The following INKA2 variants were observed in gnomAD, a reference collection of about 807,000 sequenced individuals.
INKA2 encodes the protein PAK4-inhibitor INKA2.
Under a neutral mutation model 9.8 loss-of-function variants are expected in INKA2, and 3 were observed. That is an observed-to-expected ratio of 0.31 (90% confidence interval 0.14 to 0.79). The LOEUF is 0.79. Among genes scored for constraint, INKA2 ranks in the 30% least tolerant of loss-of-function variants. The probability of loss-of-function intolerance (pLI) is 0.62; values close to 1 mark genes in which losing one functional copy is unlikely to be tolerated. For missense variants in INKA2, 392 were observed against 384.4 expected (o/e 1.02, Z -0.17); for synonymous variants, 147 against 143.3 (o/e 1.03, Z -0.18).
intron 1 of INKA2, among the ~76,000 whole-genome samples, chr1:111,738,405 C>A (rs984048624): frequency 2.0e-5 from 3 of 151,974 alleles, no homozygotes; most frequent in Admixed American, 1.3e-4. Flanking sequence ...TCCACCCCCC[C>A]AGACTGAGCT....
In INKA2 at chr1:111,723,057, T is replaced by TAAC. The variant is rs1193340589; in HGVS notation, c.*3908_*3910dup. The TAAC allele has an allele frequency of 1.1e-5, 8 of 702,014 alleles. No individual in the cohort carries two copies. The highest frequency in any genetic ancestry group is 8.7e-5 in the African/African-American group (5 of 57,228). 43.5% of individuals were successfully genotyped at this position (702,014 alleles called of 1,614,324 possible). On this transcript the variant is annotated 3_prime_UTR_variant, in exon 2 of 2. Transcript: ENST00000357260. ...AGTGACAGAGGGGGCTCTCAAATCT[T>TAAC]AACTCCAAGTCTAGTGCTCATACCA...
intron 1 of INKA2, among the ~76,000 whole-genome samples, chr1:111,736,041 C>T (rs1490051784): frequency 6.6e-6 from 1 of 152,202 alleles, no homozygotes; most frequent in Non-Finnish European, 1.5e-5. Context: ...TGTGTCTACC[C>T]CCACTTATTG....
chr1:111,753,791 T>C (rs1403204205), intron 1 of INKA2: 1 of 152,198 alleles, frequency 6.6e-6, no homozygotes, highest in African/African-American at 2.4e-5. Flanking sequence ...AGCTCACAGT[T>C]TATTTAATGT....
rs1466610306 is a variant in INKA2, at chr1:111,727,361, G to T, written c.501C>A (p.Gly167=). The T allele has an allele frequency of 2.5e-6, 4 of 1,613,856 alleles. No homozygotes were observed. The African/African-American group carries it at 5.3e-5, about 22-fold the overall frequency. ...CCAGTTCTGGCAAGTCTAGCCAATTGCCCACCAGGTCTGCAAAAACGTTGT... is the reference window on the plus strand; with the variant it reads ...CCAGTTCTGGCAAGTCTAGCCAATTTCCCACCAGGTCTGCAAAAACGTTGT... The part of the protein sequence containing the change: ...LGDNVFADLV[G]NWLDLPELEK... Residue 167 remains glycine (G), a synonymous_variant, in exon 2 of 2, where the codon GGC becomes GGA. Coordinates refer to ENST00000357260, the MANE Select transcript of INKA2 (RefSeq NM_019099.5).
At chr1:111,737,253 A>T (rs539969788) in intron 1 of INKA2, among the ~76,000 whole-genome samples, 2 of 152,286 alleles carry the variant, frequency 1.3e-5, no homozygotes, top group South Asian at 4.1e-4. Flanking sequence ...CCTTGGCAGG[A>T]GAGGGTGCAA....
chr1:111,739,341 C>G lies in INKA2; in HGVS notation c.-99G>C. On this transcript the variant is annotated 5_prime_UTR_variant, in exon 1 of 2. Coordinates refer to ENST00000357260, the MANE Select transcript of INKA2 (RefSeq NM_019099.5). The stretch of plus-strand genomic sequence containing the variant: ...CGGGCCGGCTCCCCGCCCCTGCGCC[C>G]GTAGCGCTCGCAGCGCGGAGCTGAG... 2 of 1,568,640 alleles carry G rather than the reference C, an allele frequency of 1.3e-6. No individual in the cohort carries two copies. The highest frequency in any genetic ancestry group is 8.6e-7 in the Non-Finnish European group (1 of 1,157,636).
rs946638024 is a variant in INKA2, at chr1:111,726,072, G to A, written c.*896C>T. The stretch of plus-strand genomic sequence containing the variant: ...TAAGAACTGTTGGGGAGGAGTGTTG[G>A]TAACTCCAGGGTCCAGCTTCTACTC... On this transcript the variant is annotated 3_prime_UTR_variant, in exon 2 of 2. Transcript: ENST00000357260. The A allele has an allele frequency of 2.5e-5, 10 of 398,550 alleles. No homozygotes were observed. The highest frequency in any genetic ancestry group is 4.1e-5 in the African/African-American group (2 of 48,608). 24.7% of individuals were successfully genotyped at this position (398,550 alleles called of 1,614,324 possible).
chr1:111,740,971 TAAAA>T (rs869221820), upstream of INKA2, among the ~76,000 whole-genome samples: 23 of 38,400 alleles, frequency 6.0e-4, 8 homozygotes, highest in African/African-American at 1.4e-3. Context: ...AAACTCCGTT[TAAAA>T]AAAAAAAAAA....
At chr1:111,739,709 T>C, upstream of INKA2, 1 of 165,886 alleles carries the variant, frequency 6.0e-6, no homozygotes. Context: ...GGGGAGGGAC[T>C]GGGTAGCGGT....
chr1:111,727,970 T>C, intron 1 of INKA2, 166 bp from the exon 2 acceptor site: 1 of 668,008 alleles, frequency 1.5e-6, no homozygotes, highest in Non-Finnish European at 2.6e-6. Context: ...CAGTGCTGGG[T>C]AAAGGAAATA....
intron 1 of INKA2, among the ~76,000 whole-genome samples, chr1:111,738,231 G>A (rs529326666): frequency 2.6e-5 from 4 of 152,352 alleles, no homozygotes; most frequent in African/African-American, 9.6e-5. Flanking sequence ...AGCAGAGATG[G>A]GGCTGTATGT....
intron 1 of INKA2, among the ~76,000 whole-genome samples, chr1:111,732,568 TAC>T (rs3085876): frequency 0.016 from 2,221 of 142,138 alleles, 26 homozygotes; most frequent in African/African-American, 0.04. Context: ...CTCTCTCTGT[TAC>T]ACACACACAC....
Position 111,739,211 on chromosome 1 carries a change from T to A in INKA2, c.32A>T (p.Tyr11Phe). MTMESREMDC[Y>F]LRRLKQELMS... Reference sequence around the variant, plus strand: ...CAGCTCCTGTTTGAGGCGACGGAGATAGCAGTCCATTTCCCTGCTCTCCAT... The same window carrying A: ...CAGCTCCTGTTTGAGGCGACGGAGAAAGCAGTCCATTTCCCTGCTCTCCAT... Residue 11 changes from tyrosine to phenylalanine, a missense_variant, in exon 1 of 2, where the codon TAT becomes TTT. Coordinates refer to ENST00000357260, the MANE Select transcript of INKA2 (RefSeq NM_019099.5). The A allele has an allele frequency of 6.2e-7, 1 of 1,613,686 alleles. No homozygotes were observed. The highest frequency in any genetic ancestry group is 8.5e-7 in the Non-Finnish European group (1 of 1,179,748).
Position 111,726,176 on chromosome 1 carries a change from T to A in INKA2, c.*792A>T, listed in dbSNP as rs1040037860. The A allele has an allele frequency of 6.3e-5, 25 of 398,036 alleles. No individual in the cohort carries two copies. The highest frequency in any genetic ancestry group is 4.3e-4 in the African/African-American group (21 of 48,622). 24.7% of individuals were successfully genotyped at this position (398,036 alleles called of 1,614,324 possible). ...TAGCATATCTAGGCTTGTTTCCTTA[T>A]CTGGAAAATGGGATCATGCCTGCCT... On this transcript the variant is annotated 3_prime_UTR_variant, in exon 2 of 2. Transcript: ENST00000357260.
intron 1 of INKA2, among the ~76,000 whole-genome samples, chr1:111,731,991 A>T (rs1255930751): frequency 1.3e-5 from 2 of 152,234 alleles, no homozygotes; most frequent in Non-Finnish European, 2.9e-5. Context: ...AGCCACGTTC[A>T]GTCAGCCCAG....
chr1:111,755,358 T>C (rs1663515198), intron 1 of INKA2: 1 of 361,148 alleles, frequency 2.8e-6, no homozygotes, highest in South Asian at 6.0e-5. Flanking sequence ...CGGAGATAAA[T>C]GTGGTTGCAC....
chr1:111,733,077 C>T, intron 1 of INKA2, among the ~76,000 whole-genome samples: 1 of 152,162 alleles, frequency 6.6e-6, no homozygotes, highest in East Asian at 1.9e-4. Flanking sequence ...GATTAGGTAA[C>T]CAGGGGCTGG....
intron 1 of INKA2, chr1:111,746,927 C>T (rs1485716727): frequency 6.6e-6 from 1 of 152,238 alleles, no homozygotes. Flanking sequence ...AGTAATTTAA[C>T]TTCTTTGGAT....
chr1:111,742,788 G>C (rs914467807), upstream of INKA2, among the ~76,000 whole-genome samples: 1 of 152,256 alleles, frequency 6.6e-6, no homozygotes, highest in Admixed American at 6.5e-5. Context: ...ACAAGTCTGA[G>C]GTGGTATCAC....
Sources: gnomAD v4.1 joint callset for allele counts (sites outside exome capture counted in the v4.1 genomes callset) on GRCh38, gnomAD v4.1.1 for gene constraint, MANE v1.5 for transcripts, NCBI Gene and HGNC (gene_info 2026-07-23, HGNC 2026-07-21) for gene names.